Variants in DIP2C observed in about 807,000 individuals in gnomAD.
DIP2C encodes DIP2 acetate--CoA ligase C (putative), also known as disco-interacting protein 2 homolog C.
DIP2C carries 33 observed loss-of-function variants against 192.4 expected under a neutral mutation model. The ratio of observed to expected loss-of-function variants is 0.17; its 90% CI spans 0.13 to 0.23. DIP2C has a LOEUF of 0.23. DIP2C is among the 10% of genes least tolerant of loss of function. The pLI is 1.00. For missense variants in DIP2C, 1,537 were observed against 2,110.1 expected, an observed-to-expected ratio of 0.73 and a Z score of 5.32; for synonymous variants, 979 against 864.1, an observed-to-expected ratio of 1.13 and a Z score of -2.33.
chr10:385,353 G>A (rs908755186), intron 14 of DIP2C, among the ~76,000 whole-genome samples: 1 of 152,156 alleles, frequency 6.6e-6, no homozygotes, highest in Admixed American at 6.5e-5. Flanking sequence ...GGTCTCCCTC[G>A]AACTCCACTG....
intron 31 of DIP2C, among the ~76,000 whole-genome samples, chr10:313,580 T>A (rs1055704143): frequency 1.3e-5 from 2 of 152,164 alleles, no homozygotes; most frequent in Non-Finnish European, 2.9e-5. Context: ...CACAAGTCAT[T>A]AGAGATGATT....
intron 3 of DIP2C, among the ~76,000 whole-genome samples, chr10:441,697 A>G (rs1021729552): frequency 6.6e-6 from 1 of 152,222 alleles, no homozygotes; most frequent in African/African-American, 2.4e-5. Flanking sequence ...CTCCCCAGCC[A>G]TGCGGAACTG....
Position 345,120 on chromosome 10 carries a change from G to A in DIP2C, c.3232-10C>T. The A allele has an allele frequency of 2.5e-6, 4 of 1,607,854 alleles. No individual in the cohort carries two copies. The highest frequency in any genetic ancestry group is 2.2e-5 in the East Asian group (1 of 44,856). On this transcript the variant is annotated splice_polypyrimidine_tract_variant and intron_variant, in intron 26 of 36. Transcript: ENST00000280886. ...AGGCAGAGCGACTCACCTGGCATCA[G>A]AGAGCGAGAATGGAGCCATGAACGT...
At chr10:372,004 G>T (rs10795060) in intron 17 of DIP2C, among the ~76,000 whole-genome samples, 53,350 of 151,776 alleles carry the variant, frequency 0.35, 9,632 homozygotes, top group East Asian at 0.45. Context: ...GGCAAGGGCC[G>T]GAAGGGAAAA....
At chr10:629,637 C>T (rs1354859038) in intron 1 of DIP2C, among the ~76,000 whole-genome samples, 10 of 152,132 alleles carry the variant, frequency 6.6e-5, no homozygotes, top group Admixed American at 5.2e-4. Flanking sequence ...GGGTGGAGAC[C>T]GCAGCTTCAA....
At position 487,127 on chromosome 10, in the gene DIP2C, C is replaced by G. The variant is rs140619156; in HGVS notation, c.86-597G>C. On this transcript the variant is annotated intron_variant, in intron 1 of 36. Transcript: ENST00000280886. Reference sequence around the variant, plus strand: ...ACATGTTAAAGCTCACAGACAGCCACGGACGCGCAGCAGCCATGCCTTTCC... The same window carrying G: ...ACATGTTAAAGCTCACAGACAGCCAGGGACGCGCAGCAGCCATGCCTTTCC... Among the ~76,000 whole-genome samples, 398 of 152,312 alleles carry G rather than the reference C, an allele frequency of 2.6e-3. 1 individual carries two copies. The highest frequency in any genetic ancestry group is 9.0e-3 in the African/African-American group (372 of 41,562).
intron 10 of DIP2C, among the ~76,000 whole-genome samples, chr10:392,816 GCACACACA>G (rs141409070): frequency 1.3e-5 from 2 of 148,228 alleles, no homozygotes; most frequent in African/African-American, 5.1e-5. Context: ...CACACTCAGC[GCACACACA>G]CACACACGCC....
At chr10:567,104 C>T (rs1564206498) in intron 1 of DIP2C, among the ~76,000 whole-genome samples, 1 of 152,222 alleles carries the variant, frequency 6.6e-6, no homozygotes. Context: ...TGGAATTACA[C>T]GTATCCAGGG....
intron 36 of DIP2C, among the ~76,000 whole-genome samples, chr10:277,894 CTT>C (rs527529547): frequency 3.1e-4 from 47 of 152,366 alleles, no homozygotes; most frequent in African/African-American, 1.1e-3. Context: ...AGTGCTGCCT[CTT>C]TGCTGCTGCC....
rs1379554986 is a variant in DIP2C, at chr10:678,667, C to G, written c.85+10827G>C. 1.6e-3 allele frequency among the ~76,000 whole-genome samples: 33 copies of G among 20,954 alleles called. 3 individuals are homozygous for G. Among genetic ancestry groups the G allele is most frequent in the African/African-American group, 2.1e-3 (32 of 15,034 alleles). The allele number at this position is 20,954 out of a possible 152,430, so 13.7% of individuals were successfully genotyped here. On this transcript the variant is annotated intron_variant, in intron 1 of 36. Coordinates refer to ENST00000280886, the MANE Select transcript of DIP2C (RefSeq NM_014974.3). ...CTCCCCGCACCTGTCCTCCCTGTGC[C>G]CAGCTCCCCACGCCCATGCTCCCCA...
chr10:489,835 C>T (rs1028343746), intron 1 of DIP2C, among the ~76,000 whole-genome samples: 1 of 119,968 alleles, frequency 8.3e-6, no homozygotes, highest in African/African-American at 3.3e-5. Context: ...TCCACCTTCA[C>T]ACTAGGGACA....
chr10:435,496 T>G (rs1967105525), intron 4 of DIP2C, among the ~76,000 whole-genome samples: 1 of 152,198 alleles, frequency 6.6e-6, no homozygotes. Flanking sequence ...ACAACCTCAC[T>G]ACAGCAATTT....
Position 512,798 on chromosome 10 carries a change from C to T in DIP2C, c.86-26268G>A, listed in dbSNP as rs773513484. On this transcript the variant is annotated intron_variant, in intron 1 of 36. Transcript: ENST00000280886. Reference sequence around the variant, plus strand: ...GCATGATGGTGGGTGCCTGTAATCCCAGCTACTAGGGAGGCTGAGGGAGGA... The same window carrying T: ...GCATGATGGTGGGTGCCTGTAATCCTAGCTACTAGGGAGGCTGAGGGAGGA... Among the ~76,000 whole-genome samples the T allele has an allele frequency of 5.9e-4, 90 of 151,728 alleles. No individual in the cohort carries two copies. The Middle Eastern group carries it at 0.01, about 17-fold the overall frequency.
rs1457343916 is a variant in DIP2C at position 666,470 on chromosome 10, CAA to C, written c.85+23022_85+23023del. The C allele has an allele frequency of 1.3e-5, 2 of 152,502 alleles. No homozygotes were observed. Among genetic ancestry groups the C allele is most frequent in the African/African-American group, 4.8e-5 (2 of 41,452 alleles). The allele number at this position is 152,502 out of a possible 1,614,324, so 9.4% of individuals were successfully genotyped here. On this transcript the variant is annotated intron_variant, in intron 1 of 36. Coordinates refer to ENST00000280886, the MANE Select transcript of DIP2C (RefSeq NM_014974.3). This position sits in a 1 kb window ranked among gnomAD's most constrained non-coding sequence, Gnocchi z 4.1. ...CCCGGCCCGCGGCAGCAGAATCACC[CAA>C]GACTGAGATCCTGTGGCCTGAGTCG...
rs537522711 is a variant in DIP2C, at chr10:617,356, T to C, written c.85+72138A>G. Among the ~76,000 whole-genome samples the C allele has an allele frequency of 5.9e-5, 9 of 152,032 alleles. No individual in the cohort carries two copies. The South Asian group carries it at 1.4e-3, about 24-fold the overall frequency. On this transcript the variant is annotated intron_variant, in intron 1 of 36. Transcript: ENST00000280886. Reference sequence around the variant, plus strand: ...CCCACTCAGCTGTGATGTGAGCCCCTGAGATTTCTCAAATGTGAGATGGGA... The same window carrying C: ...CCCACTCAGCTGTGATGTGAGCCCCCGAGATTTCTCAAATGTGAGATGGGA...
intron 17 of DIP2C, among the ~76,000 whole-genome samples, chr10:371,416 G>A (rs115897468): frequency 0.019 from 2,861 of 152,272 alleles, 93 homozygotes; most frequent in African/African-American, 0.063. Flanking sequence ...TTGAGCCACC[G>A]TAAGCCAGGG....
intron 1 of DIP2C, among the ~76,000 whole-genome samples, chr10:657,240 G>A (rs1442942436): frequency 2.4e-4 from 15 of 63,304 alleles, no homozygotes; most frequent in African/African-American, 6.9e-4. Context: ...TGGACCTGCC[G>A]CTGGACCTGA....
At chr10:356,632 T>G in intron 23 of DIP2C, 126 bp from the exon 24 acceptor site, 3 of 682,748 alleles carry the variant, frequency 4.4e-6, no homozygotes, top group Non-Finnish European at 4.9e-6. Context: ...AACCGCATGC[T>G]TCTCTGCAGG....
chr10:655,419 A>G (rs1252191133), intron 1 of DIP2C, among the ~76,000 whole-genome samples: 2 of 152,066 alleles, frequency 1.3e-5, no homozygotes, highest in Non-Finnish European at 2.9e-5. Context: ...CGACTCTACT[A>G]TTCCACACTA....
Sources: allele counts gnomAD v4.1 joint callset (sites outside exome capture counted in the v4.1 genomes callset), GRCh38; gene constraint gnomAD v4.1.1; non-coding constraint Gnocchi (gnomAD v3.1); transcripts MANE v1.5; gene names NCBI Gene and HGNC (gene_info 2026-07-23, HGNC 2026-07-21).